NRG1: variants seen among roughly 807,000 people sequenced by gnomAD.
The protein encoded by NRG1 is pro-neuregulin-1, membrane-bound isoform.
NRG1 carries 18 observed loss-of-function variants against 63.8 expected under a neutral mutation model. The observed-to-expected ratio is 0.28, with a 90% CI of 0.19 to 0.42. The LOEUF (loss-of-function observed/expected upper bound fraction) is 0.42. Among genes scored for constraint, NRG1 ranks in the 10% least tolerant of loss-of-function variants. NRG1 has a pLI of 1.00. For missense variants in NRG1, 762 were observed against 814.7 expected, an observed-to-expected ratio of 0.94 and a Z score of 0.79; for synonymous variants, 302 against 301.3, an observed-to-expected ratio of 1.00 and a Z score of -0.02.
intron 1 of NRG1, among the ~76,000 whole-genome samples, chr8:32,298,271 CT>C (rs750734941): frequency 6.6e-6 from 1 of 152,166 alleles, no homozygotes; most frequent in Non-Finnish European, 1.5e-5. Flanking sequence ...TAAGCAAATC[CT>C]TTTCAACTTA....
intron 5 of NRG1, among the ~76,000 whole-genome samples, chr8:32,701,032 C>A (rs1814734314): frequency 6.6e-6 from 1 of 152,158 alleles, no homozygotes; most frequent in South Asian, 2.1e-4. Context: ...CTTAAATTAA[C>A]TTATCATCCT....
intron 1 of NRG1, among the ~76,000 whole-genome samples, chr8:32,525,391 G>GGGGGT (rs201406545): frequency 6.9e-6 from 1 of 145,794 alleles, no homozygotes; most frequent in Non-Finnish European, 1.5e-5. Flanking sequence ...ATGAGGTAGG[G>GGGGGT]GTGTGTGTGT....
At chr8:32,050,656 C>T (rs1260594684) in intron 1 of NRG1, among the ~76,000 whole-genome samples, 1 of 152,140 alleles carries the variant, frequency 6.6e-6, no homozygotes, top group Non-Finnish European at 1.5e-5. Flanking sequence ...CACATGACCT[C>T]ACCTCACTTT....
intron 1 of NRG1, among the ~76,000 whole-genome samples, chr8:31,703,157 C>G (rs1040450974): frequency 2.7e-5 from 4 of 149,640 alleles, no homozygotes; most frequent in Non-Finnish European, 1.5e-5. Flanking sequence ...TTAGTTAAGA[C>G]GAAAGGGTAT....
At chr8:32,683,747 T>C (rs533820794) in intron 5 of NRG1, among the ~76,000 whole-genome samples, 6 of 152,218 alleles carry the variant, frequency 3.9e-5, no homozygotes, top group Admixed American at 6.5e-5. Flanking sequence ...TGTAATGCCT[T>C]TATACTGATG....
chr8:31,658,268 T>A (rs1354527770), intron 1 of NRG1, among the ~76,000 whole-genome samples: 5 of 152,186 alleles, frequency 3.3e-5, no homozygotes, highest in African/African-American at 4.8e-5. Flanking sequence ...GGCTTCAGAT[T>A]GGACTTAGTA....
chr8:32,137,426 A>C (rs1835687159), intron 1 of NRG1, among the ~76,000 whole-genome samples: 1 of 152,316 alleles, frequency 6.6e-6, no homozygotes, highest in South Asian at 2.1e-4. Flanking sequence ...TGGGAGACAG[A>C]GTGAGACCCC....
chr8:32,319,049 T>A (rs1425685021), intron 1 of NRG1, among the ~76,000 whole-genome samples: 3 of 152,148 alleles, frequency 2.0e-5, no homozygotes, highest in African/African-American at 7.2e-5. Flanking sequence ...GACGTGAAGG[T>A]GAAAAGTTCA....
chr8:32,242,754 C>T (rs887380093), intron 1 of NRG1, among the ~76,000 whole-genome samples: 1 of 152,110 alleles, frequency 6.6e-6, no homozygotes, highest in African/African-American at 2.4e-5. Flanking sequence ...CAGGCTCTTA[C>T]GTTTTTATAT....
At chr8:31,987,541 G>A (rs968078213) in intron 1 of NRG1, among the ~76,000 whole-genome samples, 14 of 151,890 alleles carry the variant, frequency 9.2e-5, no homozygotes, top group African/African-American at 3.4e-4. Flanking sequence ...GAGCTGAACT[G>A]AGTATGCATG....
intron 1 of NRG1, among the ~76,000 whole-genome samples, chr8:31,796,208 G>A (rs1821188422): frequency 1.3e-5 from 2 of 152,036 alleles, no homozygotes; most frequent in Non-Finnish European, 2.9e-5. Context: ...AAACTAGGAA[G>A]AAATAGACCA....
intron 1 of NRG1, among the ~76,000 whole-genome samples, chr8:31,894,590 G>A (rs1187860058): frequency 6.0e-5 from 8 of 133,506 alleles, no homozygotes; most frequent in African/African-American, 9.0e-5. Flanking sequence ...TCGCTCTGTC[G>A]CCCAGGCTGG....
At chr8:32,255,864 T>G (rs917140281) in intron 1 of NRG1, among the ~76,000 whole-genome samples, 1 of 152,168 alleles carries the variant, frequency 6.6e-6, no homozygotes, top group African/African-American at 2.4e-5. Flanking sequence ...GTAAGTTTGG[T>G]CTTTTCACGT....
At chr8:31,796,852 T>C (rs1357583777) in intron 1 of NRG1, among the ~76,000 whole-genome samples, 1 of 152,174 alleles carries the variant, frequency 6.6e-6, no homozygotes, top group Non-Finnish European at 1.5e-5. Flanking sequence ...AACATGGGTG[T>C]AATTCTGAAG....
intron 1 of NRG1, among the ~76,000 whole-genome samples, chr8:32,451,841 T>G (rs762682909): frequency 2.7e-4 from 41 of 152,346 alleles, no homozygotes; most frequent in Middle Eastern, 3.4e-3. Context: ...TCCTTCTTTT[T>G]TTTAGACAAG....
intron 1 of NRG1, among the ~76,000 whole-genome samples, chr8:32,487,542 C>T (rs1028595274): frequency 6.6e-6 from 1 of 152,058 alleles, no homozygotes; most frequent in Non-Finnish European, 1.5e-5. Flanking sequence ...TATCTTTGTA[C>T]TCTGCCATTT....
At chr8:31,856,535 C>G (rs142955022) in intron 1 of NRG1, among the ~76,000 whole-genome samples, 6,251 of 152,224 alleles carry the variant, frequency 0.041, 451 homozygotes, top group African/African-American at 0.14. Context: ...TCAATGTTTT[C>G]AACTTCTTTG....
intron 1 of NRG1, among the ~76,000 whole-genome samples, chr8:32,534,961 A>C (rs1831811705): frequency 1.3e-5 from 2 of 152,238 alleles, no homozygotes; most frequent in African/African-American, 4.8e-5. Context: ...CCTGAAAAAC[A>C]CATGTAAGCT....
intron 1 of NRG1, among the ~76,000 whole-genome samples, chr8:31,934,459 C>T (rs918442914): frequency 4.1e-5 from 5 of 123,192 alleles, no homozygotes; most frequent in African/African-American, 1.6e-4. Flanking sequence ...GAGTCTCACT[C>T]TTGTTACCCA....
Sources: gnomAD v4.1 joint callset for allele counts (sites outside exome capture counted in the v4.1 genomes callset) on GRCh38, gnomAD v4.1.1 for gene constraint, MANE v1.5 for transcripts, NCBI Gene and HGNC (gene_info 2026-07-23, HGNC 2026-07-21) for gene names.